Variants in HCFC1 observed in about 807,000 individuals in gnomAD.
The protein encoded by HCFC1 is host cell factor 1.
Under a neutral mutation model 105.5 loss-of-function variants are expected in HCFC1, and 7 were observed. The ratio of observed to expected loss-of-function variants is 0.07; its 90% CI spans 0.04 to 0.12. The LOEUF (loss-of-function observed/expected upper bound fraction) is 0.12, where lower values mean the gene tolerates loss of function less well. Ranked by LOEUF, HCFC1 falls within the 10% of genes least tolerant of loss-of-function variation. The pLI is 1.00. For synonymous variants in HCFC1, 918 were observed against 828.1 expected (o/e 1.11, Z -1.86); for missense variants, 1,065 against 1,823.6 (o/e 0.58, Z 7.58).
chrX:153,969,089 C>G (rs781888482), intron 1 of HCFC1, among the ~76,000 whole-genome samples: 5 of 111,852 alleles, frequency 4.5e-5, no homozygotes, highest in Non-Finnish European at 9.4e-5. Context: ...CGATAATCTC[C>G]GAGATGTGGA....
intron 1 of HCFC1, among the ~76,000 whole-genome samples, chrX:153,968,220 C>T (rs1242254823): frequency 9.0e-6 from 1 of 111,479 alleles, no homozygotes; most frequent in East Asian, 2.8e-4. Context: ...ACTAAAATTC[C>T]CTAAGGACAA....
intron 21 of HCFC1, 46 bp downstream of exon 21, chrX:153,951,543 T>C (rs782192161): frequency 1.7e-5 from 21 of 1,206,229 alleles, no homozygotes; most frequent in Non-Finnish European, 2.4e-5. Flanking sequence ...GAGGCAGTGC[T>C]GCCCCCCAGG....
At position 153,952,673 on chromosome X, in the gene HCFC1, C is replaced by T; in HGVS notation, c.4783G>A (p.Ala1595Thr). 8.3e-7 allele frequency: 1 copy of T among 1,211,033 alleles called. No individual in the cohort carries two copies. Among genetic ancestry groups the T allele is most frequent in the Non-Finnish European group, 1.1e-6 (1 of 895,153 alleles). Residue 1595 changes from alanine to threonine, a missense_variant, in exon 19 of 26, where the codon GCC becomes ACC. By Grantham distance (58) the Ala-to-Thr change is moderately conservative. Coordinates refer to ENST00000310441, the MANE Select transcript of HCFC1 (RefSeq NM_005334.3). ...LSLPQELMAE[A>T]QAGTTTLMVT... Reference sequence around the variant, plus strand: ...ATGAGGGTGGTGGTGCCAGCTTGGGCCTCGGCCATTAGCTCTTGGGGAAGT... The same window carrying T: ...ATGAGGGTGGTGGTGCCAGCTTGGGTCTCGGCCATTAGCTCTTGGGGAAGT...
chrX:153,953,384 G>A (rs969603779), intron 18 of HCFC1, among the ~76,000 whole-genome samples: 5 of 112,366 alleles, frequency 4.4e-5, no homozygotes, highest in African/African-American at 9.7e-5. Context: ...AGTGACACGC[G>A]ATGAGAACCA....
intron 1 of HCFC1, among the ~76,000 whole-genome samples, chrX:153,966,226 C>CA (rs11418634): frequency 0.026 from 2,887 of 110,904 alleles, 102 homozygotes; most frequent in African/African-American, 0.087. Flanking sequence ...AACAAACAAA[C>CA]AAAAAAAACA....
At chrX:153,957,206 G>T in intron 13 of HCFC1, 108 bp downstream of exon 13, 1 of 970,010 alleles carries the variant, frequency 1.0e-6, no homozygotes, top group Non-Finnish European at 1.4e-6. Flanking sequence ...GCAAGGAGAA[G>T]ATAGAAAAGG....
chrX:153,964,590 G>A lies in HCFC1; in HGVS notation c.330C>T (p.Leu110=). The A allele has an allele frequency of 8.3e-7, 1 of 1,200,864 alleles. No individual in the cohort carries two copies. The highest frequency in any genetic ancestry group is 1.8e-5 in the South Asian group (1 of 54,191). ...MVEYGKYSND[L]YELQASRWEW... ...GGGGCTGCTTTACCTGGAGTTCGTA[G>A]AGGTCATTGCTGTATTTCCCATACT... The change falls in exon 2 of 26, where the codon CTC becomes CTT. Residue 110 remains leucine (L), a synonymous_variant. Coordinates refer to ENST00000310441, the MANE Select transcript of HCFC1 (RefSeq NM_005334.3).
At position 153,955,553 on chromosome X, in the gene HCFC1, A is replaced by G. The variant is rs2065366771; in HGVS notation, c.2857-11T>C. 1 of 1,163,725 alleles carries G rather than the reference A, an allele frequency of 8.6e-7. No individual in the cohort carries two copies. Among genetic ancestry groups the G allele is most frequent in the African/African-American group, 1.8e-5 (1 of 56,172 alleles). On this transcript the variant is annotated splice_polypyrimidine_tract_variant and intron_variant, in intron 16 of 25. Transcript: ENST00000310441. ...GGGCTGGGACACGGGCTGGGGAGACACACGAGGAGGAGAGTTAGTGCTGCA... is the reference window on the plus strand; with the variant it reads ...GGGCTGGGACACGGGCTGGGGAGACGCACGAGGAGGAGAGTTAGTGCTGCA...
chrX:153,960,202 T>C (rs1557116409), intron 7 of HCFC1, 33 bp downstream of exon 7: 1 of 1,194,981 alleles, frequency 8.4e-7, no homozygotes, highest in Non-Finnish European at 1.1e-6. Flanking sequence ...CGGGAGGCTA[T>C]GGGAGGAGGG....
rs782385254 is a variant in HCFC1, at chrX:153,954,183, C to T, written c.4216G>A (p.Ala1406Thr). 2.0e-5 allele frequency: 24 copies of T among 1,200,145 alleles called. No individual in the cohort carries two copies. Among genetic ancestry groups the T allele is most frequent in the Non-Finnish European group, 2.6e-5 (23 of 891,791 alleles). Residue 1406 changes from alanine to threonine, a missense_variant, in exon 17 of 26, where the codon GCG (alanine) becomes ACG (threonine). Transcript: ENST00000310441. The part of the protein sequence containing the change: ...APSVTPQAGT[A>T]LLAPFPTQRV... ...TGTGTTGGGAAAGGAGCCAGCAGCG[C>T]GGTGCCAGCCTGGGGGGTGACGCTG...
rs782313635 is a variant in HCFC1 at position 153,952,641 on chromosome X, C to T, written c.4815G>A (p.Thr1605=). ...AQAGTTTLMV[T]GLTPEELAVT... ...CTGCCAGCTCCTCGGGGGTGAGCCC[C>T]GTTACCATGAGGGTGGTGGTGCCAG... Residue 1605 remains threonine (T), a synonymous_variant, in exon 19 of 26, where the codon ACG becomes ACA. Coordinates refer to ENST00000310441, the MANE Select transcript of HCFC1 (RefSeq NM_005334.3). 2.5e-5 allele frequency: 30 copies of T among 1,210,603 alleles called. No individual in the cohort carries two copies. The highest frequency in any genetic ancestry group is 4.3e-5 in the Admixed American group (2 of 46,088).
intron 5 of HCFC1, among the ~76,000 whole-genome samples, chrX:153,961,918 C>T (rs868982135): frequency 8.9e-6 from 1 of 112,322 alleles, no homozygotes; most frequent in Non-Finnish European, 1.9e-5. Flanking sequence ...AGGACCTGGA[C>T]ATCCACAAAG....
intron 9 of HCFC1, among the ~76,000 whole-genome samples, chrX:153,959,061 T>G (rs1338997380): frequency 8.8e-6 from 1 of 113,130 alleles, no homozygotes; most frequent in African/African-American, 3.2e-5. Flanking sequence ...CAAGCCCAGC[T>G]GGCTAGATCC....
Position 153,953,781 on chromosome X carries a change from G to C in HCFC1, c.4334-11C>G, listed in dbSNP as rs200968392. 8.4e-6 allele frequency: 10 copies of C among 1,195,919 alleles called. No individual in the cohort carries two copies. Among genetic ancestry groups the C allele is most frequent in the Non-Finnish European group, 1.1e-5 (10 of 887,813 alleles). On this transcript the variant is annotated splice_polypyrimidine_tract_variant and intron_variant, in intron 17 of 25. Transcript: ENST00000310441. ...CAGCAGGTGGGGGGTCTGTGGGGGC[G>C]ACAGGCAGGCGGCTGCTCAGCAGGA...
In HCFC1 at chrX:153,955,088, C is replaced by G. The variant is rs2065360916; in HGVS notation, c.3311G>C (p.Cys1104Ser). 1 of 1,210,476 alleles carries G rather than the reference C, an allele frequency of 8.3e-7. No individual in the cohort carries two copies. Among genetic ancestry groups the G allele is most frequent in the Non-Finnish European group, 1.1e-6 (1 of 894,851 alleles). The change falls in exon 17 of 26, where the codon TGC becomes TCC. Residue 1104 changes from cysteine (C) to serine (S), a missense_variant. This residue lies in a region of HCFC1 where 546 missense variants were observed against 599.9 expected (regional missense o/e 0.91). Coordinates refer to ENST00000310441, the MANE Select transcript of HCFC1 (RefSeq NM_005334.3). ...ATSNMAGQHGCSNPPCETHET... is the reference protein window; with the variant it reads ...ATSNMAGQHGSSNPPCETHET... ...GTGGGTCTCGCAGGGTGGGTTTGAG[C>G]AGCCATGCTGCCCGGCCATGTTGGA...
intron 13 of HCFC1, 93 bp downstream of exon 13, chrX:153,957,221 A>G (rs144231526): frequency 1.0e-6 from 1 of 985,776 alleles, no homozygotes; most frequent in South Asian, 2.2e-5. Context: ...AAAAGGGTAA[A>G]CTAAACAGAA....
chrX:153,970,920 G>T lies in HCFC1; in HGVS notation c.-80C>A. 1 of 853,824 alleles carries T rather than the reference G, an allele frequency of 1.2e-6. No homozygotes were observed. The highest frequency in any genetic ancestry group is 1.6e-6 in the Non-Finnish European group (1 of 623,166). The allele number at this position is 853,824 out of a possible 1,213,427, so 70.4% of individuals were successfully genotyped here. A position where few individuals can be genotyped will look rare whatever the true frequency, so the allele number is the denominator to read the frequency against. ...CAATTCCTTTCACACACCCCCTTTC[G>T]TCTAAGGCAGCTCTCACGGAGAAGC... On this transcript the variant is annotated 5_prime_UTR_variant, in exon 1 of 26. Coordinates refer to ENST00000310441, the MANE Select transcript of HCFC1 (RefSeq NM_005334.3).
intron 8 of HCFC1, 70 bp downstream of exon 8, chrX:153,959,732 C>G (rs1223917764): frequency 8.9e-7 from 1 of 1,124,465 alleles, no homozygotes; most frequent in Non-Finnish European, 1.2e-6. Flanking sequence ...TCTCGCAGCC[C>G]CTACTTGGCC....
Position 153,960,032 on chromosome X carries a change from G to A in HCFC1, c.1214C>T (p.Thr405Met), listed in dbSNP as rs782047045. Reference sequence around the variant, plus strand: ...TGTAGGGGAGGTGGCAGTAGCAGCCGTGGCAGGAATGTCATATTTCTGGAG... The same window carrying A: ...TGTAGGGGAGGTGGCAGTAGCAGCCATGGCAGGAATGTCATATTTCTGGAG... ...LQLQKYDIPATAATATSPTPN... is the reference protein window; with the variant it reads ...LQLQKYDIPAMAATATSPTPN... Residue 405 changes from threonine to methionine, a missense_variant, in exon 8 of 26, where the codon ACG becomes ATG. By Grantham distance (81) the Thr-to-Met change is moderately conservative (BLOSUM62 -1). Around this residue, in one of 17 missense-constraint regions of HCFC1, gnomAD observed 101 missense variants for 155.1 expected, o/e 0.65. Coordinates refer to ENST00000310441, the MANE Select transcript of HCFC1 (RefSeq NM_005334.3). 1.2e-5 allele frequency: 15 copies of A among 1,209,130 alleles called. No individual in the cohort carries two copies. Among genetic ancestry groups the A allele is most frequent in the South Asian group, 8.8e-5 (5 of 56,777 alleles).
Sources: allele counts gnomAD v4.1 joint callset (sites outside exome capture counted in the v4.1 genomes callset), GRCh38; gene constraint gnomAD v4.1.1; regional missense constraint gnomAD v4.1.1; transcripts MANE v1.5; gene names NCBI Gene and HGNC (gene_info 2026-07-23, HGNC 2026-07-21).